Variants in ARG2 observed in about 807,000 individuals in gnomAD.
ARG2 encodes the protein arginase-2, mitochondrial.
In ARG2, 21 loss-of-function variants were observed where a neutral mutation model predicts 39.4. That is an observed-to-expected ratio of 0.53 (90% CI 0.38 to 0.77). The LOEUF is 0.77. Ranked by LOEUF, ARG2 falls within the 30% of genes least tolerant of loss-of-function variation. ARG2 has a pLI of 0.00. For missense variants in ARG2, 378 were observed against 426.2 expected (o/e 0.89, Z 1.00); for synonymous variants, 150 against 156.7 (o/e 0.96, Z 0.32).
At chr14:67,620,240 G>A in intron 1 of ARG2, 152 bp downstream of exon 1, 2 of 510,758 alleles carry the variant, frequency 3.9e-6, no homozygotes, top group South Asian at 2.2e-5. Context: ...ACTGGGCACC[G>A]TGGGAGCATG....
At chr14:67,646,613 G>C (rs772122920) in intron 4 of ARG2, 31 bp from the exon 5 acceptor site, 1 of 1,525,660 alleles carries the variant, frequency 6.6e-7, no homozygotes, top group South Asian at 1.1e-5. Flanking sequence ...AAGAATTCTT[G>C]ATTAATCCTG....
chr14:67,638,349 C>A (rs1251123103), intron 2 of ARG2, among the ~76,000 whole-genome samples: 1 of 149,138 alleles, frequency 6.7e-6, no homozygotes, highest in South Asian at 2.2e-4. Flanking sequence ...CACAGTGAGA[C>A]CCTGTCTCTA....
chr14:67,643,223 C>T (rs1308290538), intron 3 of ARG2, among the ~76,000 whole-genome samples: 1 of 152,196 alleles, frequency 6.6e-6, no homozygotes, highest in African/African-American at 2.4e-5. Flanking sequence ...ATTTTCTCAG[C>T]AGTGCTAGAG....
intron 4 of ARG2, 73 bp from the exon 5 acceptor site, chr14:67,646,571 C>A: frequency 2.4e-6 from 3 of 1,238,786 alleles, no homozygotes; most frequent in Non-Finnish European, 3.5e-6. Flanking sequence ...TGCATACCCA[C>A]GGACGCACAT....
intron 2 of ARG2, among the ~76,000 whole-genome samples, chr14:67,632,808 A>ATTTTTT (rs55642854): frequency 1.8e-4 from 11 of 62,412 alleles, no homozygotes; most frequent in African/African-American, 2.7e-4. Flanking sequence ...AAGCCTCTTA[A>ATTTTTT]TTTTTTTTTT....
At chr14:67,625,680 C>CAAAAAAAAAAAAAAAAAAAA (rs1176476000) in intron 2 of ARG2, among the ~76,000 whole-genome samples, 1 of 32,128 alleles carries the variant, frequency 3.1e-5, no homozygotes, top group African/African-American at 1.0e-4. Context: ...AACTCCATCT[C>CAAAAAAAAAAAAAAAAAAAA]AAAAAAAAAA....
intron 1 of ARG2, 80 bp downstream of exon 1, chr14:67,620,168 G>A: frequency 1.9e-6 from 2 of 1,050,026 alleles, no homozygotes; most frequent in South Asian, 3.1e-5. Flanking sequence ...GGGTGCGGGG[G>A]ACCGGGAGGC....
intron 2 of ARG2, among the ~76,000 whole-genome samples, chr14:67,633,728 G>A (rs2036941672): frequency 1.3e-5 from 2 of 152,190 alleles, no homozygotes; most frequent in Admixed American, 6.5e-5. Flanking sequence ...GCCTTGCCCC[G>A]GCTCCTGCCG....
chr14:67,623,345 A>T (rs909231836), intron 2 of ARG2, among the ~76,000 whole-genome samples: 12 of 152,086 alleles, frequency 7.9e-5, no homozygotes, highest in African/African-American at 2.9e-4. Context: ...CAAAGGAGAG[A>T]CTCATGGAAA....
chr14:67,650,667 G>C, intron 7 of ARG2, 48 bp from the exon 8 acceptor site: 1 of 1,556,448 alleles, frequency 6.4e-7, no homozygotes, highest in South Asian at 1.1e-5. Context: ...CCCTCACTGA[G>C]AGTAGCAGCA....
At chr14:67,635,985 G>A (rs1449713494) in intron 2 of ARG2, among the ~76,000 whole-genome samples, 1 of 152,136 alleles carries the variant, frequency 6.6e-6, no homozygotes. Flanking sequence ...TGAGGATGCA[G>A]AGTCTTTGTT....
chr14:67,649,603 G>C (rs2037146333), intron 7 of ARG2: 1 of 152,184 alleles, frequency 6.6e-6, no homozygotes, highest in Non-Finnish European at 1.5e-5. Flanking sequence ...GACAAATCAG[G>C]AACACAGGTC....
intron 2 of ARG2, among the ~76,000 whole-genome samples, chr14:67,640,932 A>AAAAATAAAAAATCTAAAACACTTCTGGT (rs2037023746): frequency 1.3e-5 from 2 of 152,158 alleles, no homozygotes; most frequent in South Asian, 2.1e-4. Context: ...AAAATCTGAA[A>AAAAATAAAAAATCTAAAACACTTCTGGT]CTTTTTGAGC....
intron 7 of ARG2, 164 bp from the exon 8 acceptor site, chr14:67,650,551 G>C: frequency 1.6e-6 from 1 of 623,182 alleles, no homozygotes. Flanking sequence ...TTAAATTCAT[G>C]GCCAAGAGGA....
At chr14:67,627,900 T>C (rs2036884131) in intron 2 of ARG2, among the ~76,000 whole-genome samples, 2 of 152,238 alleles carry the variant, frequency 1.3e-5, no homozygotes, top group South Asian at 4.1e-4. Context: ...AATGAGCTTG[T>C]TTGTTTAAGG....
Position 67,650,903 on chromosome 14 carries a change from G to A in ARG2, c.1048G>A (p.Ala350Thr). ...TTCACCAGATGAATCAGAAAATCAA[G>A]CACGTGTGAGAATTTAGGAGACACT... ...PSSPDESENQ[A>T]RVRI The change falls in exon 8 of 8, where the codon GCA (alanine) becomes ACA (threonine). Residue 350 changes from alanine (A) to threonine (T), a missense_variant. Physicochemically the swap from Ala to Thr is moderately conservative, Grantham distance 58. Transcript: ENST00000261783. 1 of 1,614,080 alleles carries A rather than the reference G, an allele frequency of 6.2e-7. No individual in the cohort carries two copies.
intron 2 of ARG2, among the ~76,000 whole-genome samples, chr14:67,632,116 G>T (rs1322802017): frequency 6.6e-6 from 1 of 152,032 alleles, no homozygotes; most frequent in Non-Finnish European, 1.5e-5. Context: ...CAAACTCCTA[G>T]ACTCAAGCAA....
intron 2 of ARG2, among the ~76,000 whole-genome samples, chr14:67,636,659 G>C (rs768663282): frequency 2.0e-5 from 3 of 152,218 alleles, no homozygotes; most frequent in Non-Finnish European, 4.4e-5. Flanking sequence ...CTCTGATAGA[G>C]CCTGGAGAGG....
chr14:67,620,050 T>C lies in ARG2; in HGVS notation c.73T>C (p.Ser25Pro), dbSNP rs2036791435. Residue 25 changes from serine to proline, a missense_variant, in exon 1 of 8, where the codon TCC (serine) becomes CCC (proline). Coordinates refer to ENST00000261783, the MANE Select transcript of ARG2 (RefSeq NM_001172.4). ...VHSILKKSVH[S>P]VAVIGAPFSQ... ...TTCCATCCTGAAGAAATCCGTCCAC[T>C]CCGTGGCTGTGATAGGAGCCCCGTT... 1 of 1,611,358 alleles carries C rather than the reference T, an allele frequency of 6.2e-7. No individual in the cohort carries two copies. Among genetic ancestry groups the C allele is most frequent in the South Asian group, 1.1e-5 (1 of 90,658 alleles).
Sources: gnomAD v4.1 joint callset for allele counts (sites outside exome capture counted in the v4.1 genomes callset) on GRCh38, gnomAD v4.1.1 for gene constraint, MANE v1.5 for transcripts, NCBI Gene and HGNC (gene_info 2026-07-23, HGNC 2026-07-21) for gene names.